GPC3: variants seen among roughly 807,000 people sequenced by gnomAD.
GPC3 encodes the protein glypican-3.
GPC3 carries 3 observed loss-of-function variants against 34.4 expected under a neutral mutation model. The observed-to-expected ratio is 0.09, with a 90% confidence interval of 0.04 to 0.23. The LOEUF (loss-of-function observed/expected upper bound fraction) is 0.23, where lower values mean the gene tolerates loss of function less well. Ranked by LOEUF, GPC3 falls within the 10% of genes least tolerant of loss-of-function variation. The pLI, the probability that GPC3 is intolerant of heterozygous loss-of-function variation, is 1.00. For synonymous variants in GPC3, 177 were observed against 174.0 expected (o/e 1.02, Z -0.13); for missense variants, 351 against 445.6 (o/e 0.79, Z 1.91).
At chrX:133,692,768 C>T (rs1428406158) in intron 4 of GPC3, among the ~76,000 whole-genome samples, 1 of 112,206 alleles carries the variant, frequency 8.9e-6, no homozygotes, top group African/African-American at 3.2e-5. Context: ...CGTTCCACTT[C>T]CATTTTTCTT....
intron 2 of GPC3, among the ~76,000 whole-genome samples, chrX:133,822,067 A>C (rs2075722358): frequency 8.9e-6 from 1 of 112,097 alleles, no homozygotes; most frequent in Non-Finnish European, 1.9e-5. Context: ...CCACAATCTG[A>C]AAATATTAAA....
intron 6 of GPC3, 23 bp downstream of exon 6, chrX:133,661,707 A>G: frequency 2.1e-6 from 2 of 933,340 alleles, no homozygotes; most frequent in African/African-American, 2.2e-5. Context: ...TTTTATTATT[A>G]TTATTTTTTA....
chrX:133,788,324 C>G (rs1303539963), intron 2 of GPC3, among the ~76,000 whole-genome samples: 2 of 107,500 alleles, frequency 1.9e-5, no homozygotes, highest in Non-Finnish European at 3.8e-5. Flanking sequence ...AAAACTTGAG[C>G]TTAAAGAGCT....
intron 2 of GPC3, among the ~76,000 whole-genome samples, chrX:133,833,651 C>T (rs2075787081): frequency 9.0e-6 from 1 of 111,573 alleles, no homozygotes; most frequent in African/African-American, 3.3e-5. Context: ...GAGTTTGTAA[C>T]GCATATAACA....
At chrX:133,765,773 A>C (rs2071838767) in intron 2 of GPC3, among the ~76,000 whole-genome samples, 1 of 111,924 alleles carries the variant, frequency 8.9e-6, no homozygotes, top group African/African-American at 3.2e-5. Context: ...AGTGCTTTAC[A>C]GCCAAATCTT....
rs150365178 is a variant in GPC3, at chrX:133,895,732, A to C, written c.337+57318T>G. Among the ~76,000 whole-genome samples the C allele has an allele frequency of 3.2e-3, 361 of 111,282 alleles. 2 individuals are homozygous for C. The highest frequency in any genetic ancestry group is 0.011 in the African/African-American group (345 of 30,613). The stretch of plus-strand genomic sequence containing the variant: ...GCTTCAGCTTTAGAAAAGTCTTTAA[A>C]CAGCGCACACACACACATAGACACA... On this transcript the variant is annotated intron_variant, in intron 2 of 7. Transcript: ENST00000370818.
intron 2 of GPC3, among the ~76,000 whole-genome samples, chrX:133,832,968 T>C (rs1014653110): frequency 2.7e-5 from 3 of 112,149 alleles, no homozygotes; most frequent in Admixed American, 9.5e-5. Flanking sequence ...AATCTCTCCT[T>C]GGGGAAAAGA....
intron 1 of GPC3, among the ~76,000 whole-genome samples, chrX:133,972,634 T>C (rs950957250): frequency 1.8e-5 from 2 of 112,521 alleles, no homozygotes; most frequent in Non-Finnish European, 3.7e-5. Flanking sequence ...CAGTCTGTTA[T>C]ACTTAAATAG....
intron 2 of GPC3, among the ~76,000 whole-genome samples, chrX:133,864,603 C>T (rs2075957922): frequency 8.9e-6 from 1 of 112,255 alleles, no homozygotes; most frequent in African/African-American, 3.2e-5. Context: ...CTTGTCTGTC[C>T]TGAACTCAAG....
chrX:133,554,312 A>ATT (rs756600163), intron 7 of GPC3, among the ~76,000 whole-genome samples: 21 of 87,995 alleles, frequency 2.4e-4, no homozygotes, highest in Admixed American at 3.8e-4. Flanking sequence ...GTATCTGGCA[A>ATT]TTTTTTTTTT....
At chrX:133,558,306 TTTC>T (rs2069509608) in intron 7 of GPC3, among the ~76,000 whole-genome samples, 1 of 108,491 alleles carries the variant, frequency 9.2e-6, no homozygotes, top group African/African-American at 3.3e-5. Flanking sequence ...TTTTTTTTTT[TTTC>T]TTTGTCTCAT....
Position 133,546,688 on chromosome X carries a change from T to A in GPC3, c.1574-10395A>T, listed in dbSNP as rs1334889524. On this transcript the variant is annotated intron_variant, in intron 7 of 7. Coordinates refer to ENST00000370818, the MANE Select transcript of GPC3 (RefSeq NM_004484.4). ...ACTGAATTGTATACTTTAAAATGGT[T>A]CAAATGTGAAGAAAGGGGAACCCTT... Among the ~76,000 whole-genome samples, 8 of 112,138 alleles carry A rather than the reference T, an allele frequency of 7.1e-5. No homozygotes were observed. The East Asian group carries it at 2.0e-3, about 28-fold the overall frequency.
At chrX:133,710,847 G>T (rs2071259836) in intron 3 of GPC3, among the ~76,000 whole-genome samples, 1 of 112,302 alleles carries the variant, frequency 8.9e-6, no homozygotes, top group African/African-American at 3.2e-5. Context: ...GCTGAAAGCA[G>T]AATCCTGCAT....
At position 133,953,066 on chromosome X, in the gene GPC3, A is replaced by G; in HGVS notation, c.321T>C (p.Asn107=). Residue 107 remains asparagine, a synonymous_variant, in exon 2 of 8, where the codon AAT becomes AAC. Transcript: ENST00000370818. ...AGAACTCACCTTGGAAAACCGCAGC[A>G]TTCTGAATAATTAAGAACTTGAGCT... ...SMELKFLIIQ[N]AAVFQEAFEI... 1 of 1,209,117 alleles carries G rather than the reference A, an allele frequency of 8.3e-7. No homozygotes were observed. The highest frequency in any genetic ancestry group is 1.1e-6 in the Non-Finnish European group (1 of 893,096).
intron 6 of GPC3, among the ~76,000 whole-genome samples, chrX:133,627,135 T>A (rs5933331): frequency 1.1e-3 from 87 of 77,851 alleles, no homozygotes; most frequent in Admixed American, 5.4e-3. Flanking sequence ...GGACACAGGG[T>A]GGGGAACATC....
At chrX:133,629,498 C>T (rs759735082) in intron 6 of GPC3, among the ~76,000 whole-genome samples, 5 of 110,681 alleles carry the variant, frequency 4.5e-5, no homozygotes, top group Non-Finnish European at 9.5e-5. Context: ...CAGGTTCAAG[C>T]GATTCTCCTG....
chrX:133,774,653 T>C (rs762248910), intron 2 of GPC3, among the ~76,000 whole-genome samples: 6 of 111,676 alleles, frequency 5.4e-5, no homozygotes, highest in Non-Finnish European at 1.1e-4. Flanking sequence ...TCAGGCACCA[T>C]ACTGAATACA....
intron 5 of GPC3, among the ~76,000 whole-genome samples, chrX:133,685,545 G>T (rs1342818249): frequency 1.8e-5 from 2 of 110,026 alleles, no homozygotes; most frequent in Non-Finnish European, 3.8e-5. Context: ...GGAAATAAGA[G>T]AATTCAAAGT....
intron 2 of GPC3, among the ~76,000 whole-genome samples, chrX:133,849,652 C>T (rs1038586684): frequency 9.0e-6 from 1 of 111,347 alleles, no homozygotes; most frequent in Admixed American, 9.5e-5. Flanking sequence ...CTGCCTGATC[C>T]TTGCTGCAGA....
Sources: gnomAD v4.1 joint callset for allele counts (sites outside exome capture counted in the v4.1 genomes callset) on GRCh38, gnomAD v4.1.1 for gene constraint, MANE v1.5 for transcripts, NCBI Gene and HGNC (gene_info 2026-07-23, HGNC 2026-07-21) for gene names.